HHIP: variants seen among roughly 807,000 people sequenced by gnomAD.
HHIP encodes the protein hedgehog interacting protein.
HHIP carries 12 observed loss-of-function variants against 74.0 expected under a neutral mutation model. The observed-to-expected ratio is 0.16, with a 90% CI of 0.10 to 0.26. HHIP has a LOEUF of 0.26. Ranked by LOEUF, HHIP falls within the 10% of genes least tolerant of loss-of-function variation. The pLI is 1.00. For missense variants in HHIP, 788 were observed against 845.0 expected, an observed-to-expected ratio of 0.93 and a Z score of 0.84; for synonymous variants, 309 against 311.6, an observed-to-expected ratio of 0.99 and a Z score of 0.09.
In HHIP at chr4:144,744,679, T is replaced by C. The variant is rs1293760456; in HGVS notation, c.*6722T>C. On this transcript the variant is annotated 3_prime_UTR_variant, in exon 13 of 13. Transcript: ENST00000296575. The stretch of plus-strand genomic sequence containing the variant: ...ATATGCAGTTCTCTTTAATCAATCT[T>C]CTATTATTCAATCATCTATCCATTT... The C allele has an allele frequency of 6.6e-6, 1 of 152,236 alleles. No homozygotes were observed. The highest frequency in any genetic ancestry group is 1.5e-5 in the Non-Finnish European group (1 of 68,046). The allele number at this position is 152,236 out of a possible 1,614,324, so 9.4% of individuals were successfully genotyped here. A position where few individuals can be genotyped will look rare whatever the true frequency, so the allele number is the denominator to read the frequency against.
chr4:144,685,519 G>C (rs776129880), intron 4 of HHIP: 1 of 152,186 alleles, frequency 6.6e-6, no homozygotes, highest in Non-Finnish European at 1.5e-5. Flanking sequence ...TGGAATTTCA[G>C]TTAACTTGGA....
At position 144,739,522 on chromosome 4, in the gene HHIP, T is replaced by G. The variant is rs1232693183; in HGVS notation, c.*1565T>G. Reference sequence around the variant, plus strand: ...TTGTAGCTAGTATTTCTCTATTGTTTTAAGGTGAGAGATTTGCAATTAAAG... The same window carrying G: ...TTGTAGCTAGTATTTCTCTATTGTTGTAAGGTGAGAGATTTGCAATTAAAG... On this transcript the variant is annotated 3_prime_UTR_variant, in exon 13 of 13. Transcript: ENST00000296575. The G allele has an allele frequency of 1.3e-5, 2 of 152,228 alleles. No homozygotes were observed. Among genetic ancestry groups the G allele is most frequent in the Non-Finnish European group, 2.9e-5 (2 of 68,040 alleles). The allele number at this position is 152,228 out of a possible 1,614,324, so 9.4% of individuals were successfully genotyped here. A position where few individuals can be genotyped will look rare whatever the true frequency, so the allele number is the denominator to read the frequency against.
At chr4:144,715,623 C>A (rs112148760) in intron 10 of HHIP, 193 bp downstream of exon 10, 96 of 384,500 alleles carry the variant, frequency 2.5e-4, no homozygotes, top group African/African-American at 1.7e-3. Flanking sequence ...TCCCTGAGAG[C>A]CTTTATATTT....
At chr4:144,650,569 C>T (rs1453227605) in intron 1 of HHIP, 1 of 152,062 alleles carries the variant, frequency 6.6e-6, no homozygotes. Flanking sequence ...ACTGTTGCAG[C>T]TTTGGCTGAG....
At chr4:144,736,610 AT>A (rs1731128409) in intron 12 of HHIP, among the ~76,000 whole-genome samples, 1 of 152,222 alleles carries the variant, frequency 6.6e-6, no homozygotes, top group Non-Finnish European at 1.5e-5. Flanking sequence ...CTTAATAGAT[AT>A]TAATAATAAA....
chr4:144,731,330 T>C (rs74478744), intron 11 of HHIP, among the ~76,000 whole-genome samples: 2,252 of 152,280 alleles, frequency 0.015, 50 homozygotes, highest in African/African-American at 0.051. Flanking sequence ...CCACAAGAGA[T>C]GAGAGGAAGT....
intron 12 of HHIP, 150 bp from the exon 13 acceptor site, chr4:144,737,614 G>T (rs1731154871): frequency 3.4e-6 from 2 of 582,918 alleles, no homozygotes; most frequent in Non-Finnish European, 2.8e-6. Flanking sequence ...TTTCCTACTT[G>T]CATATTTATC....
intron 4 of HHIP, 172 bp downstream of exon 4, chr4:144,660,010 T>A: frequency 3.4e-6 from 2 of 592,790 alleles, no homozygotes; most frequent in Non-Finnish European, 6.0e-6. Context: ...ACAGTGACAT[T>A]AAATTTCTGT....
At chr4:144,663,249 A>G (rs1033466671) in intron 4 of HHIP, among the ~76,000 whole-genome samples, 1 of 152,092 alleles carries the variant, frequency 6.6e-6, no homozygotes. Context: ...AGCCAAGATC[A>G]TGCCTCTGCA....
chr4:144,726,289 G>T (rs1241388250), intron 11 of HHIP, among the ~76,000 whole-genome samples: 1 of 151,888 alleles, frequency 6.6e-6, no homozygotes, highest in African/African-American at 2.4e-5. Flanking sequence ...CAAGATTTCT[G>T]ATTTCATTAA....
intron 4 of HHIP, among the ~76,000 whole-genome samples, chr4:144,687,201 A>T (rs1302008990): frequency 2.0e-5 from 3 of 152,084 alleles, no homozygotes; most frequent in Non-Finnish European, 1.5e-5. Flanking sequence ...TCCTATAACA[A>T]CCTAATAATA....
chr4:144,683,371 T>G (rs926188421), intron 4 of HHIP, among the ~76,000 whole-genome samples: 1 of 152,218 alleles, frequency 6.6e-6, no homozygotes, highest in Non-Finnish European at 1.5e-5. Flanking sequence ...AATATAAAAT[T>G]GAGCTATAGT....
chr4:144,657,736 G>C (rs1266276716), intron 2 of HHIP, among the ~76,000 whole-genome samples: 2 of 152,152 alleles, frequency 1.3e-5, no homozygotes, highest in Non-Finnish European at 2.9e-5. Flanking sequence ...ATCCTATTAA[G>C]TAACTCCGTT....
At chr4:144,734,466 T>C (rs1578733084) in intron 11 of HHIP, among the ~76,000 whole-genome samples, 1 of 152,298 alleles carries the variant, frequency 6.6e-6, no homozygotes, top group Non-Finnish European at 1.5e-5. Flanking sequence ...AATATCAATT[T>C]AATTAAAGAT....
intron 11 of HHIP, among the ~76,000 whole-genome samples, chr4:144,733,354 T>C (rs1272888680): frequency 1.3e-5 from 2 of 152,086 alleles, no homozygotes; most frequent in East Asian, 1.9e-4. Flanking sequence ...CGACATAGAG[T>C]GGGACTTTTC....
intron 8 of HHIP, 144 bp from the exon 9 acceptor site, chr4:144,714,081 T>C: frequency 1.5e-6 from 1 of 663,752 alleles, no homozygotes; most frequent in South Asian, 2.1e-5. Context: ...ACTGTTTTCA[T>C]TAAATAGCTC....
chr4:144,703,459 A>G (rs1267769554), intron 4 of HHIP, among the ~76,000 whole-genome samples: 4 of 152,152 alleles, frequency 2.6e-5, no homozygotes, highest in Non-Finnish European at 5.9e-5. Context: ...TCTGAGCCAT[A>G]AAACCACACA....
At chr4:144,688,255 CTTG>C (rs1376044705) in intron 4 of HHIP, among the ~76,000 whole-genome samples, 1 of 152,026 alleles carries the variant, frequency 6.6e-6, no homozygotes, top group Non-Finnish European at 1.5e-5. Context: ...TTCAGAATAG[CTTG>C]TTGTTGAAGC....
chr4:144,737,046 GT>G (rs1198081842), intron 12 of HHIP, among the ~76,000 whole-genome samples: 1 of 152,170 alleles, frequency 6.6e-6, no homozygotes, highest in East Asian at 1.9e-4. Context: ...CCAATTTTAT[GT>G]CTCATTTTAG....
Sources: gnomAD v4.1 joint callset for allele counts (sites outside exome capture counted in the v4.1 genomes callset) on GRCh38, gnomAD v4.1.1 for gene constraint, MANE v1.5 for transcripts, NCBI Gene and HGNC (gene_info 2026-07-23, HGNC 2026-07-21) for gene names.